Variants in MYH7B observed in about 807,000 individuals in gnomAD.
MYH7B encodes the protein myosin-7B.
MYH7B carries 205 observed loss-of-function variants against 234.5 expected under a neutral mutation model. That is an observed-to-expected ratio of 0.87 (90% CI 0.78 to 0.98). MYH7B has a LOEUF of 0.98. Ranked by LOEUF, MYH7B falls within the 50% of genes least tolerant of loss-of-function variation. The pLI is 0.00. For synonymous variants in MYH7B, 1,193 were observed against 1,105.0 expected (o/e 1.08, Z -1.58); for missense variants, 2,652 against 2,633.4 (o/e 1.01, Z -0.15).
exon 27 of MYH7B, chr20:34,994,298 T>G: frequency 6.2e-7 from 1 of 1,611,216 alleles, no homozygotes; most frequent in South Asian, 1.1e-5. Flanking sequence ...CTGCGGGGGT[T>G]GCGAGGGGCG....
At position 34,999,640 on chromosome 20, in the gene MYH7B, A is replaced by G. The variant is rs2082329645; in HGVS notation, c.4610A>G (p.Lys1537Arg). ...AGCATCCAGGAACTGGAGAAAACCA[A>G]GAAGGCGCTGGAAGGCGAGAAGAGT... is the stretch of plus-strand genomic sequence containing the variant. Residue 1537 changes from lysine to arginine, a missense_variant, in exon 37 of 45, where the codon AAG becomes AGG. Physicochemically the swap from Lys to Arg is conservative, Grantham distance 26. Transcript: ENST00000262873. 4 of 1,613,674 alleles carry G rather than the reference A, an allele frequency of 2.5e-6. No individual in the cohort carries two copies. The Admixed American group carries it at 5.0e-5, about 20-fold the overall frequency.
In MYH7B at chr20:34,984,839, C is replaced by T. The variant is rs779181415; in HGVS notation, c.649-15C>T. On this transcript the variant is annotated splice_polypyrimidine_tract_variant and intron_variant, in intron 11 of 44. Coordinates refer to ENST00000262873, the Ensembl canonical transcript of MYH7B. The stretch of plus-strand genomic sequence containing the variant: ...GCACCAGAACTGACAGACCCCCTCA[C>T]CCCCACCGCCCCAGGGCACCCTTGA... 1.9e-6 allele frequency: 3 copies of T among 1,610,448 alleles called. No individual in the cohort carries two copies. Among genetic ancestry groups the T allele is most frequent in the South Asian group, 1.1e-5 (1 of 91,026 alleles).
rs757257214 is a variant in MYH7B, at chr20:35,001,334, G to A, written c.5565G>A (p.Lys1855=). 77 of 1,610,010 alleles carry A rather than the reference G, an allele frequency of 4.8e-5. No homozygotes were observed. Among genetic ancestry groups the A allele is most frequent in the Non-Finnish European group, 6.4e-5 (76 of 1,178,478 alleles). The stretch of plus-strand genomic sequence containing the variant: ...TGCGCAAGCATGAGCGCCGTGTCAA[G>A]GAGCTCGCATACCAGGTGGGCGACA... The change falls in exon 42 of 45, where the codon AAG becomes AAA. Residue 1855 remains lysine, a synonymous_variant. Transcript: ENST00000262873.
chr20:34,987,779 G>A (rs537497376), exon 18 of MYH7B: 19 of 1,614,080 alleles, frequency 1.2e-5, no homozygotes, highest in Non-Finnish European at 1.5e-5. Flanking sequence ...TGTTTGCTGT[G>A]GGGGCTCTGG....
chr20:34,987,914 G>T, exon 18 of MYH7B: 1 of 1,592,052 alleles, frequency 6.3e-7, no homozygotes, highest in Non-Finnish European at 8.6e-7. Flanking sequence ...AGATCTTTGA[G>T]GTGAGGACAG....
At position 34,982,460 on chromosome 20, in the gene MYH7B, GGA is replaced by G; in HGVS notation, c.533_534del (p.Glu178ValfsTer5). ...TGACTCATGTTTGTGTCGTCCAAGCGGAGAGTCGGGGGCCGGTAAGACGGTTA... is the reference window on the plus strand; with the variant it reads ...TGACTCATGTTTGTGTCGTCCAAGCGGAGTCGGGGGCCGGTAAGACGGTTA... On this transcript the variant is annotated frameshift_variant and splice_region_variant, in exon 10 of 45. Coordinates refer to ENST00000262873, the Ensembl canonical transcript of MYH7B. LOFTEE classifies it high-confidence loss of function. The G allele has an allele frequency of 4.3e-6, 7 of 1,614,020 alleles. No individual in the cohort carries two copies. The highest frequency in any genetic ancestry group is 5.9e-6 in the Non-Finnish European group (7 of 1,179,982).
exon 19 of MYH7B, chr20:34,988,257 GAGA>G (rs1175555039): frequency 1.9e-6 from 3 of 1,611,374 alleles, no homozygotes; most frequent in Non-Finnish European, 2.5e-6. Context: ...CGACCTCATC[GAGA>G]AGGTGGGTGC....
At chr20:34,989,807 G>T (rs773714865) in exon 20 of MYH7B, 37 of 1,614,034 alleles carry the variant, frequency 2.3e-5, no homozygotes, top group Non-Finnish European at 3.1e-5. Flanking sequence ...GCCAGCTTCC[G>T]GGCCAAGCTC....
chr20:34,990,909 T>C (rs954025529), intron 23 of MYH7B, 84 bp downstream of exon 23: 1 of 1,567,026 alleles, frequency 6.4e-7, no homozygotes, highest in African/African-American at 1.4e-5. Flanking sequence ...TGAGTACATC[T>C]TCCCCCTCAC....
chr20:34,981,279 C>T, intron 9 of MYH7B: 1 of 527,924 alleles, frequency 1.9e-6, no homozygotes, highest in South Asian at 2.6e-5. Flanking sequence ...GAGGGGACAC[C>T]CACAAACGGA....
exon 37 of MYH7B, chr20:34,999,649 T>C: frequency 1.2e-6 from 2 of 1,613,294 alleles, no homozygotes. Context: ...AAGAAGGCGC[T>C]GGAAGGCGAG....
At chr20:34,989,266 T>C (rs1409327179) in intron 19 of MYH7B, among the ~76,000 whole-genome samples, 2 of 152,244 alleles carry the variant, frequency 1.3e-5, no homozygotes, top group East Asian at 1.9e-4. Context: ...GTTTAGGTGA[T>C]TGACAGCTTT....
rs781483536 is a variant in MYH7B at position 34,977,948 on chromosome 20, G to A, written c.-58G>A. On this transcript the variant is annotated 5_prime_UTR_variant, in exon 5 of 45. An upstream open reading frame in the 5' UTR gains an earlier in-frame stop. Transcript: ENST00000262873. ...CCATCTTCCAGTGCCTGCTGCCTTG[G>A]GCCGCCTTGAACCTCCAGGGTTTCC... The A allele has an allele frequency of 6.2e-7, 1 of 1,613,750 alleles. No individual in the cohort carries two copies. The highest frequency in any genetic ancestry group is 1.1e-5 in the South Asian group (1 of 91,080).
chr20:35,002,183 G>A (rs774405344), exon 45 of MYH7B: 2 of 1,550,792 alleles, frequency 1.3e-6, no homozygotes, highest in South Asian at 1.2e-5. Flanking sequence ...TCAGCACAAG[G>A]AGTGACGGCC....
At chr20:34,982,614 C>A in intron 10 of MYH7B, 59 bp downstream of exon 10, 2 of 1,352,328 alleles carry the variant, frequency 1.5e-6, no homozygotes. Flanking sequence ...TCTTTTCTTT[C>A]TTCCTCTCTT....
intron 10 of MYH7B, 25 bp downstream of exon 10, chr20:34,982,580 C>T (rs371930064): frequency 1.3e-6 from 2 of 1,492,642 alleles, no homozygotes; most frequent in Non-Finnish European, 1.8e-6. Flanking sequence ...CTCGGGCATG[C>T]TCCCCGTTGC....
chr20:34,977,453 C>A (rs1290501734), intron 3 of MYH7B, among the ~76,000 whole-genome samples, 179 bp from the exon 4 acceptor site: 1 of 152,112 alleles, frequency 6.6e-6, no homozygotes, highest in East Asian at 1.9e-4. Context: ...GCCTCCCTGT[C>A]TCTCAGTGGA....
At chr20:34,982,599 G>T in intron 10 of MYH7B, 44 bp downstream of exon 10, 6 of 1,392,732 alleles carry the variant, frequency 4.3e-6, no homozygotes, top group East Asian at 2.5e-5. Flanking sequence ...GCTTCTCGCT[G>T]TTTTTCTTTT....
At chr20:34,960,946 G>T (rs2081691379) in intron 2 of MYH7B, among the ~76,000 whole-genome samples, 1 of 152,124 alleles carries the variant, frequency 6.6e-6, no homozygotes, top group Non-Finnish European at 1.5e-5. Context: ...TTGAAGTTGG[G>T]CTTTGCCTTA....
Sources: gnomAD v4.1 joint callset for allele counts (sites outside exome capture counted in the v4.1 genomes callset) on GRCh38, gnomAD v4.1.1 for gene constraint, MANE v1.5 for transcripts, NCBI Gene and HGNC (gene_info 2026-07-23, HGNC 2026-07-21) for gene names.